The following IBTK variants were observed in gnomAD, a reference collection of about 807,000 sequenced individuals.
The protein encoded by IBTK is inhibitor of Bruton tyrosine kinase, also known as BTK-binding protein.
IBTK carries 83 observed loss-of-function variants against 154.9 expected under a neutral mutation model. The ratio of observed to expected loss-of-function variants is 0.54; its 90% CI spans 0.45 to 0.64. IBTK has a LOEUF of 0.64. IBTK is among the 30% of genes least tolerant of loss of function. The pLI is 0.00. For missense variants in IBTK, 1,332 were observed against 1,584.6 expected (o/e 0.84, Z 2.71); for synonymous variants, 515 against 536.1 (o/e 0.96, Z 0.54).
chr6:82,194,601 A>G lies in IBTK; in HGVS notation c.3216T>C (p.Tyr1072=). 6 of 1,609,514 alleles carry G rather than the reference A, an allele frequency of 3.7e-6. No individual in the cohort carries two copies. The highest frequency in any genetic ancestry group is 5.1e-6 in the Non-Finnish European group (6 of 1,177,612). The change falls in exon 23 of 29, where the codon TAT becomes TAC. Residue 1072 remains tyrosine (Y), a synonymous_variant. Coordinates refer to ENST00000306270, the MANE Select transcript of IBTK (RefSeq NM_015525.4). The part of the protein sequence containing the change: ...KPYVNGTSPV[Y]SREDLKPWEK... ...CCCATGGTTTTAAATCTTCCCTAGA[A>G]TACACAGGAGATGTACCATTAACAT...
At chr6:82,196,545 G>T in intron 21 of IBTK, 99 bp from the exon 22 acceptor site, 1 of 542,902 alleles carries the variant, frequency 1.8e-6, no homozygotes, top group Non-Finnish European at 2.9e-6. Flanking sequence ...CATTTATCCA[G>T]ATTTAATAAC....
At chr6:82,196,256 C>A in intron 22 of IBTK, 42 bp downstream of exon 22, 1 of 1,449,784 alleles carries the variant, frequency 6.9e-7, no homozygotes, top group Non-Finnish European at 9.2e-7. Flanking sequence ...ATCTATAAAT[C>A]TAAAATCTGA....
chr6:82,245,406 C>T (rs1771106020), intron 1 of IBTK, among the ~76,000 whole-genome samples: 1 of 151,852 alleles, frequency 6.6e-6, no homozygotes, highest in South Asian at 2.1e-4. Flanking sequence ...AAAAAAAATA[C>T]AAAAATTAGG....
At chr6:82,203,123 GTA>G (rs1183166902) in intron 17 of IBTK, among the ~76,000 whole-genome samples, 1 of 151,946 alleles carries the variant, frequency 6.6e-6, no homozygotes, top group Non-Finnish European at 1.5e-5. Context: ...TCATGTGGGT[GTA>G]TATATATACA....
chr6:82,200,540 GA>G, intron 20 of IBTK, 46 bp downstream of exon 20: 1 of 1,416,440 alleles, frequency 7.1e-7, no homozygotes. Context: ...CTGGAGAAAA[GA>G]AGGAAGAAAA....
rs113693082 is a variant in IBTK, at chr6:82,230,243, A to T, written c.543+1475T>A. Among the ~76,000 whole-genome samples, 367 of 152,344 alleles carry T rather than the reference A, an allele frequency of 2.4e-3. 2 individuals are homozygous for T. The highest frequency in any genetic ancestry group is 8.1e-3 in the African/African-American group (338 of 41,584). The stretch of plus-strand genomic sequence containing the variant: ...GTACTATAGTGATAAAAACACTCCA[A>T]GCTCATATTCTGGATCAAAGAAGTT... On this transcript the variant is annotated intron_variant, in intron 4 of 28. Transcript: ENST00000306270.
At position 82,223,562 on chromosome 6, in the gene IBTK, G is replaced by T; in HGVS notation, c.1002C>A (p.Ala334=). 6.2e-7 allele frequency: 1 copy of T among 1,614,044 alleles called. No individual in the cohort carries two copies. Among genetic ancestry groups the T allele is most frequent in the Non-Finnish European group, 8.5e-7 (1 of 1,179,916 alleles). Residue 334 remains alanine (A), a synonymous_variant, in exon 8 of 29, where the codon GCC becomes GCA. Transcript: ENST00000306270. The part of the protein sequence containing the change: ...KCVTAPRQVS[A]LHHKDIALSL... ...ACAGAGCAATGTCTTTATGGTGAAGGGCAGAGACCTGACGAGGAGCAGTTA... is the reference window on the plus strand; with the variant it reads ...ACAGAGCAATGTCTTTATGGTGAAGTGCAGAGACCTGACGAGGAGCAGTTA...
intron 16 of IBTK, among the ~76,000 whole-genome samples, chr6:82,209,171 G>A (rs1212837440): frequency 2.0e-5 from 3 of 152,230 alleles, no homozygotes; most frequent in East Asian, 1.9e-4. Context: ...TGTGCAGTTC[G>A]GCAGTTCCTA....
In IBTK at chr6:82,212,573, A is replaced by G. The variant is rs559105728; in HGVS notation, c.2291+134T>C. The G allele has an allele frequency of 1.2e-5, 8 of 651,696 alleles. No homozygotes were observed. In the Admixed American group the frequency reaches 2.0e-4, roughly 16 times the overall value. The allele number at this position is 651,696 out of a possible 1,614,324, so 40.4% of individuals were successfully genotyped here. ...CAACAGCTCCCCAACATTTCCAGAAATGCAGAATACTAGAAAAGGTAAGAG... is the reference window on the plus strand; with the variant it reads ...CAACAGCTCCCCAACATTTCCAGAAGTGCAGAATACTAGAAAAGGTAAGAG... On this transcript the variant is annotated intron_variant, in intron 13 of 28. Transcript: ENST00000306270.
chr6:82,209,698 A>G (rs546381625), intron 16 of IBTK, among the ~76,000 whole-genome samples: 2 of 152,344 alleles, frequency 1.3e-5, no homozygotes, highest in East Asian at 3.9e-4. Context: ...ATGCTTTAAA[A>G]GTATAAGTTT....
chr6:82,202,410 T>C (rs1033186174), intron 18 of IBTK, 118 bp downstream of exon 18: 10 of 688,066 alleles, frequency 1.5e-5, no homozygotes, highest in Admixed American at 1.1e-4. Flanking sequence ...TCAGCATTGA[T>C]CAAATTCTTT....
chr6:82,189,088 T>C (rs1025654785), intron 25 of IBTK: 1 of 415,922 alleles, frequency 2.4e-6, no homozygotes, highest in African/African-American at 2.1e-5. Flanking sequence ...AATATCTGAC[T>C]AATGTGATTT....
At position 82,240,670 on chromosome 6, in the gene IBTK, T is replaced by A; in HGVS notation, c.-184A>T. 2 of 522,212 alleles carry A rather than the reference T, an allele frequency of 3.8e-6. No homozygotes were observed. The highest frequency in any genetic ancestry group is 6.6e-6 in the Non-Finnish European group (2 of 301,656). The allele number at this position is 522,212 out of a possible 1,614,324, so 32.3% of individuals were successfully genotyped here. A position where few individuals can be genotyped will look rare whatever the true frequency, so the allele number is the denominator to read the frequency against. On this transcript the variant is annotated 5_prime_UTR_variant, in exon 2 of 29. Transcript: ENST00000306270. ...TTTATACAATTTTTTGGCACTTAAA[T>A]CAAAAAAATTATAAATAGCTCTATA... is the stretch of plus-strand genomic sequence containing the variant.
intron 26 of IBTK, chr6:82,173,642 A>T (rs975742252): frequency 3.1e-6 from 1 of 318,188 alleles, no homozygotes; most frequent in African/African-American, 2.6e-5. Flanking sequence ...ATAGAGAAAG[A>T]TACTGCAAGA....
rs938961791 is a variant in IBTK, at chr6:82,205,033, T to C, written c.2510-75A>G. 17 of 730,352 alleles carry C rather than the reference T, an allele frequency of 2.3e-5. No homozygotes were observed. The African/African-American group carries it at 2.7e-4, about 12-fold the overall frequency. The allele number at this position is 730,352 out of a possible 1,614,324, so 45.2% of individuals were successfully genotyped here. ...CCTAGAAAAAAAAATTTGAAGTAAT[T>C]AGTACACTAGAAAAGAGATTTAAGT... On this transcript the variant is annotated intron_variant, in intron 16 of 28. Transcript: ENST00000306270.
At chr6:82,182,761 C>T (rs1473328985) in intron 25 of IBTK, among the ~76,000 whole-genome samples, 1 of 152,134 alleles carries the variant, frequency 6.6e-6, no homozygotes, top group African/African-American at 2.4e-5. Context: ...CATAGAAACA[C>T]AACACAGAAT....
At chr6:82,185,570 G>A (rs1768519993) in intron 25 of IBTK, among the ~76,000 whole-genome samples, 1 of 149,840 alleles carries the variant, frequency 6.7e-6, no homozygotes, top group Admixed American at 6.7e-5. Flanking sequence ...TAAAACCAAT[G>A]CATACGAGAT....
intron 2 of IBTK, among the ~76,000 whole-genome samples, chr6:82,237,876 C>T (rs1770790854): frequency 6.6e-6 from 1 of 151,964 alleles, no homozygotes; most frequent in African/African-American, 2.4e-5. Flanking sequence ...ACCAGAAGTT[C>T]CTTAAGGACC....
At position 82,202,570 on chromosome 6, in the gene IBTK, A is replaced by G; in HGVS notation, c.2687T>C (p.Leu896Ser). The change falls in exon 18 of 29, where the codon TTA (leucine) becomes TCA (serine). Residue 896 changes from leucine (L) to serine (S), a missense_variant. This residue lies in a region of IBTK where 1,134 missense variants were observed against 1,274.7 expected (regional missense o/e 0.89). Transcript: ENST00000306270. ...TGCCATATTCAATCCTATAAACTGT[A>G]AACAAGACAGTTTCAACTGTTTTGC... ...YSAKQLKLSC[L>S]QFIGLNMAAL... is the part of the protein sequence containing the mutation. 1 of 1,610,282 alleles carries G rather than the reference A, an allele frequency of 6.2e-7. No individual in the cohort carries two copies. The highest frequency in any genetic ancestry group is 1.1e-5 in the South Asian group (1 of 90,578).
Sources: allele counts gnomAD v4.1 joint callset (sites outside exome capture counted in the v4.1 genomes callset), GRCh38; gene constraint gnomAD v4.1.1; regional missense constraint gnomAD v4.1.1; transcripts MANE v1.5; gene names NCBI Gene and HGNC (gene_info 2026-07-23, HGNC 2026-07-21).